RYR2: variants seen among roughly 807,000 people sequenced by gnomAD.
RYR2 encodes ryanodine receptor 2.
In RYR2, 227 loss-of-function variants were observed where a neutral mutation model predicts 601.1. The ratio of observed to expected loss-of-function variants is 0.38; its 90% CI spans 0.34 to 0.42. RYR2 has a LOEUF of 0.42. Ranked by LOEUF, RYR2 falls within the 10% of genes least tolerant of loss-of-function variation. RYR2 has a pLI of 1.00. For synonymous variants in RYR2, 2,223 were observed against 2,175.1 expected, an observed-to-expected ratio of 1.02 and a Z score of -0.61; for missense variants, 4,646 against 6,156.5, an observed-to-expected ratio of 0.75 and a Z score of 8.21.
intron 29 of RYR2, among the ~76,000 whole-genome samples, chr1:237,585,733 AT>A (rs1211151651): frequency 6.6e-6 from 1 of 152,226 alleles, no homozygotes; most frequent in African/African-American, 2.4e-5. Context: ...TGAGAAAAAA[AT>A]ATGCTAGTTT....
chr1:237,378,346 C>T (rs922261129), intron 8 of RYR2, among the ~76,000 whole-genome samples: 3 of 152,168 alleles, frequency 2.0e-5, no homozygotes, highest in Non-Finnish European at 4.4e-5. Flanking sequence ...TTTAATTTAA[C>T]TTATTTAGTA....
chr1:237,263,810 C>G, intron 1 of RYR2, among the ~76,000 whole-genome samples: 1 of 152,184 alleles, frequency 6.6e-6, no homozygotes, highest in Non-Finnish European at 1.5e-5. Context: ...CTTTGGTGAT[C>G]ACCATTAGTA....
chr1:237,631,680 G>T, intron 42 of RYR2, 139 bp downstream of exon 42: 1 of 435,074 alleles, frequency 2.3e-6, no homozygotes, highest in South Asian at 3.2e-5. Flanking sequence ...CCAGGCTGGA[G>T]TGCAGTGCAC....
chr1:237,167,514 A>T (rs1676842949), intron 1 of RYR2, among the ~76,000 whole-genome samples: 1 of 152,130 alleles, frequency 6.6e-6, no homozygotes, highest in Non-Finnish European at 1.5e-5. Flanking sequence ...TGAATATAAT[A>T]GCATGATCAT....
At chr1:237,672,912 T>C (rs1159761350) in intron 58 of RYR2, among the ~76,000 whole-genome samples, 1 of 152,168 alleles carries the variant, frequency 6.6e-6, no homozygotes, top group African/African-American at 2.4e-5. Flanking sequence ...GATAGCACAG[T>C]GTCACCTAAT....
At chr1:237,189,879 ATTTTTT>A (rs61306892) in intron 1 of RYR2, among the ~76,000 whole-genome samples, 1 of 107,734 alleles carries the variant, frequency 9.3e-6, no homozygotes, top group Non-Finnish European at 2.3e-5. Context: ...TTTTATTTTT[ATTTTTT>A]TTTTTGAGAC....
intron 2 of RYR2, among the ~76,000 whole-genome samples, chr1:237,308,624 C>T (rs1055722316): frequency 1.3e-5 from 2 of 152,104 alleles, no homozygotes; most frequent in Non-Finnish European, 2.9e-5. Flanking sequence ...GAGTTTCTTC[C>T]TTCTGGTGGA....
intron 2 of RYR2, among the ~76,000 whole-genome samples, chr1:237,328,063 A>T (rs1696334031): frequency 6.6e-6 from 1 of 152,234 alleles, no homozygotes. Flanking sequence ...GGATTTTTGT[A>T]AGCCAATTTG....
intron 79 of RYR2, among the ~76,000 whole-genome samples, chr1:237,736,591 C>T (rs1384034709): frequency 6.6e-6 from 1 of 152,006 alleles, no homozygotes; most frequent in Admixed American, 6.6e-5. Flanking sequence ...GACAAAAGGA[C>T]AGTCACCTGC....
intron 88 of RYR2, among the ~76,000 whole-genome samples, chr1:237,779,849 G>A (rs1366634774): frequency 6.6e-6 from 1 of 152,204 alleles, no homozygotes. Flanking sequence ...ATATTAATGG[G>A]AGAATGAAGA....
intron 11 of RYR2, among the ~76,000 whole-genome samples, chr1:237,417,613 A>G (rs866550663): frequency 4.6e-5 from 7 of 152,208 alleles, no homozygotes; most frequent in Non-Finnish European, 8.8e-5. Context: ...CTTAAAAATC[A>G]CTTGATAGCT....
intron 83 of RYR2, 89 bp from the exon 84 acceptor site, chr1:237,760,866 A>G: frequency 1.3e-6 from 1 of 780,942 alleles, no homozygotes; most frequent in Admixed American, 2.6e-5. Context: ...TCATCTTCCA[A>G]GATATATGGT....
intron 24 of RYR2, among the ~76,000 whole-genome samples, chr1:237,525,355 G>A (rs1211424801): frequency 2.0e-5 from 3 of 152,010 alleles, no homozygotes; most frequent in Admixed American, 2.0e-4. Context: ...TTTTCTTTTT[G>A]CAGTCAACAG....
intron 1 of RYR2, among the ~76,000 whole-genome samples, chr1:237,242,427 G>A (rs141334715): frequency 2.0e-5 from 3 of 151,964 alleles, no homozygotes; most frequent in Non-Finnish European, 4.4e-5. Context: ...CCTAGACCAG[G>A]ACAATTTTAG....
intron 10 of RYR2, among the ~76,000 whole-genome samples, chr1:237,398,663 C>T (rs1294287593): frequency 6.6e-6 from 1 of 152,182 alleles, no homozygotes; most frequent in Non-Finnish European, 1.5e-5. Flanking sequence ...GGTACAGCCA[C>T]TCTGGAAAAC....
At chr1:237,346,155 C>T (rs893904328) in intron 3 of RYR2, among the ~76,000 whole-genome samples, 1 of 151,802 alleles carries the variant, frequency 6.6e-6, no homozygotes. Flanking sequence ...CACTTGAGCC[C>T]AGGAGTTCGA....
Position 237,689,579 on chromosome 1 carries a change from G to T in RYR2, c.9067+2075G>T, listed in dbSNP as rs149369073. On this transcript the variant is annotated intron_variant, in intron 63 of 104. Coordinates refer to ENST00000366574, the MANE Select transcript of RYR2 (RefSeq NM_001035.3). ...AGACCTTAACATTAGTTCCTTCCCT[G>T]TGTGGTCCTAGTATTTCAATTAGAC... 3.3e-5 allele frequency among the ~76,000 whole-genome samples: 5 copies of T among 152,220 alleles called. No homozygotes were observed. In the East Asian group the frequency reaches 5.8e-4, roughly 18 times the overall value.
At chr1:237,589,580 A>T (rs1674921108) in intron 29 of RYR2, among the ~76,000 whole-genome samples, 1 of 152,196 alleles carries the variant, frequency 6.6e-6, no homozygotes, top group African/African-American at 2.4e-5. Flanking sequence ...TCTAGGGCCC[A>T]CAGCTAGTAA....
intron 73 of RYR2, among the ~76,000 whole-genome samples, chr1:237,720,762 C>T (rs751154360): frequency 6.6e-6 from 1 of 152,132 alleles, no homozygotes; most frequent in Non-Finnish European, 1.5e-5. Flanking sequence ...GTGCTCAGTA[C>T]CTCTTAAGAG....
Sources: allele counts gnomAD v4.1 joint callset (sites outside exome capture counted in the v4.1 genomes callset), GRCh38; gene constraint gnomAD v4.1.1; transcripts MANE v1.5; gene names NCBI Gene and HGNC (gene_info 2026-07-23, HGNC 2026-07-21).